The following DENND2B variants were observed in gnomAD, a reference collection of about 807,000 sequenced individuals.
The protein encoded by DENND2B is DENN domain containing 2B.
DENND2B carries 32 observed loss-of-function variants against 116.0 expected under a neutral mutation model. The ratio of observed to expected loss-of-function variants is 0.28; its 90% CI spans 0.21 to 0.37. DENND2B has a LOEUF of 0.37. Ranked by LOEUF, DENND2B falls within the 10% of genes least tolerant of loss-of-function variation. The pLI, the probability that DENND2B is intolerant of heterozygous loss-of-function variation, is 1.00. For synonymous variants in DENND2B, 588 were observed against 583.9 expected (o/e 1.01, Z -0.10); for missense variants, 1,276 against 1,477.7 (o/e 0.86, Z 2.24).
chr11:8,839,651 AT>A (rs2062558198), intron 3 of DENND2B, among the ~76,000 whole-genome samples: 1 of 152,174 alleles, frequency 6.6e-6, no homozygotes, highest in Non-Finnish European at 1.5e-5. Context: ...TCTCACAAGC[AT>A]TACATACAGA....
intron 4 of DENND2B, chr11:8,830,576 T>C (rs1194320524): frequency 6.6e-6 from 1 of 152,204 alleles, no homozygotes; most frequent in African/African-American, 2.4e-5. Flanking sequence ...TGCCTGATGG[T>C]GGAAAGAAAG....
rs752110241 is a variant in DENND2B, at chr11:8,730,624, G to T, written c.666C>A (p.Phe222Leu). Reference protein sequence around the residue: ...SPCSSEKTFDFKGLRRMSRTF... With the variant: ...SPCSSEKTFDLKGLRRMSRTF... ...TCCTGCTCATCCTCCGGAGGCCCTT[G>T]AAATCAAAGGTCTTTTCAGAGCTGC... Residue 222 changes from phenylalanine to leucine, a missense_variant, in exon 3 of 20, where the codon TTC (phenylalanine) becomes TTA (leucine). Phe to Leu is a conservative substitution (Grantham distance 22, BLOSUM62 0). Around this residue, in one of 2 missense-constraint regions of DENND2B, gnomAD observed 856 missense variants for 846.6 expected, o/e 1.01. Coordinates refer to ENST00000313726, the MANE Select transcript of DENND2B (RefSeq NM_213618.2). This position sits in a 1 kb window ranked among gnomAD's most constrained non-coding sequence, Gnocchi z 4.1. The T allele has an allele frequency of 1.2e-6, 2 of 1,613,016 alleles. No homozygotes were observed. The highest frequency in any genetic ancestry group is 8.5e-7 in the Non-Finnish European group (1 of 1,179,986).
At chr11:8,709,892 A>G (rs920287426) in intron 11 of DENND2B, among the ~76,000 whole-genome samples, 2 of 152,156 alleles carry the variant, frequency 1.3e-5, no homozygotes, top group African/African-American at 4.8e-5. Context: ...TGAAAGTCCA[A>G]TCTCCTGTAA....
At chr11:8,748,875 CTT>C (rs1278841210) in intron 2 of DENND2B, among the ~76,000 whole-genome samples, 1 of 151,988 alleles carries the variant, frequency 6.6e-6, no homozygotes, top group Non-Finnish European at 1.5e-5. Flanking sequence ...TGCTTTGAAA[CTT>C]GATGTAAATA....
intron 17 of DENND2B, 48 bp downstream of exon 17, chr11:8,697,477 C>T (rs142249263): frequency 1.4e-6 from 2 of 1,477,876 alleles, no homozygotes; most frequent in African/African-American, 2.8e-5. Context: ...TGACCCAGAG[C>T]AGAGGGAGCC....
At chr11:8,699,179 C>T (rs1449678261) in intron 15 of DENND2B, 34 bp downstream of exon 15, 1 of 1,535,168 alleles carries the variant, frequency 6.5e-7, no homozygotes, top group African/African-American at 1.4e-5. Flanking sequence ...TCCCCCTCCA[C>T]CCTTCCCCCC....
chr11:8,711,007 A>C, intron 10 of DENND2B, 93 bp from the exon 11 acceptor site: 1 of 1,571,928 alleles, frequency 6.4e-7, no homozygotes, highest in South Asian at 1.1e-5. Context: ...CGTGGGGTGA[A>C]GGGCCAGGTT....
At chr11:8,698,850 A>G (rs1422385001) in intron 16 of DENND2B, 83 bp downstream of exon 16, 1 of 1,524,948 alleles carries the variant, frequency 6.6e-7, no homozygotes, top group Non-Finnish European at 9.1e-7. Flanking sequence ...AGAGCTCAAC[A>G]AACAGGTTGT....
intron 1 of DENND2B, among the ~76,000 whole-genome samples, chr11:8,903,889 CAAAAA>C (rs61317026): frequency 1.6e-4 from 12 of 75,354 alleles, no homozygotes; most frequent in African/African-American, 5.3e-4. Flanking sequence ...GACCTTGTCT[CAAAAA>C]AAAAAAAAAA....
rs2047860400 is a variant in DENND2B at position 8,730,142 on chromosome 11, G to C, written c.1148C>G (p.Ala383Gly). 1 of 1,614,114 alleles carries C rather than the reference G, an allele frequency of 6.2e-7. No homozygotes were observed. Among genetic ancestry groups the C allele is most frequent in the Non-Finnish European group, 8.5e-7 (1 of 1,180,050 alleles). The change falls in exon 3 of 20, where the codon GCT (alanine) becomes GGT (glycine). Residue 383 changes from alanine to glycine, a missense_variant. Ala to Gly is a moderately conservative substitution (Grantham distance 60, BLOSUM62 0). This residue lies in a region of DENND2B where 856 missense variants were observed against 846.6 expected (regional missense o/e 1.01). Coordinates refer to ENST00000313726, the MANE Select transcript of DENND2B (RefSeq NM_213618.2). The surrounding 1 kb of genome is among the most constrained non-coding windows in gnomAD (Gnocchi z 4.1). The stretch of plus-strand genomic sequence containing the variant: ...CTTGGGTTTGGGGACAGGGTTCACA[G>C]CGGGATCGAGGGAACTCTTCGATGG... Reference protein sequence around the residue: ...RLPSKSSLDPAVNPVPKPKRT... With the variant: ...RLPSKSSLDPGVNPVPKPKRT...
At chr11:8,803,105 C>T (rs1038538423) in intron 1 of DENND2B, among the ~76,000 whole-genome samples, 7 of 151,978 alleles carry the variant, frequency 4.6e-5, no homozygotes, top group African/African-American at 1.7e-4. Context: ...CAAGTCAGGG[C>T]CAGGTGTGGT....
At chr11:8,725,807 A>C (rs2046994491) in intron 4 of DENND2B, among the ~76,000 whole-genome samples, 1 of 152,252 alleles carries the variant, frequency 6.6e-6, no homozygotes. Context: ...CCTTCCAAAA[A>C]TAAAGGAAAG....
intron 1 of DENND2B, among the ~76,000 whole-genome samples, chr11:8,800,643 C>T (rs919363571): frequency 2.6e-5 from 4 of 152,206 alleles, no homozygotes; most frequent in African/African-American, 9.6e-5. Context: ...CTGGGCTCAG[C>T]AGGCCCATAA....
chr11:8,886,749 C>A (rs190530705), intron 1 of DENND2B, among the ~76,000 whole-genome samples: 1 of 151,874 alleles, frequency 6.6e-6, no homozygotes, highest in East Asian at 1.9e-4. Context: ...GTACTCAATA[C>A]ATGTCTGTTG....
At chr11:8,736,989 C>T (rs1052589878) in intron 2 of DENND2B, among the ~76,000 whole-genome samples, 3 of 152,166 alleles carry the variant, frequency 2.0e-5, no homozygotes, top group East Asian at 1.9e-4. Context: ...TCCAGACAAA[C>T]GATTATTATG....
intron 3 of DENND2B, among the ~76,000 whole-genome samples, chr11:8,728,594 C>CCT (rs2047543957): frequency 2.2e-3 from 1 of 456 alleles, no homozygotes; most frequent in Admixed American, 0.062. Context: ...GATGAACTCT[C>CCT]CCCCCCACTC....
intron 3 of DENND2B, among the ~76,000 whole-genome samples, chr11:8,857,187 C>T (rs967613908): frequency 6.6e-6 from 1 of 152,138 alleles, no homozygotes. Context: ...AGGCAAAATA[C>T]CAGGTCTCCT....
In DENND2B at chr11:8,769,551, C is replaced by T. The variant is rs189316668; in HGVS notation, c.-25-18826G>A. Among the ~76,000 whole-genome samples the T allele has an allele frequency of 9.2e-5, 14 of 152,200 alleles. No individual in the cohort carries two copies. In the South Asian group the frequency reaches 1.9e-3, roughly 20 times the overall value. ...CTGGGATTACAGGTGTGAACCACTG[C>T]GCCTGGTCATAAAGCAACTTCTAAA... On this transcript the variant is annotated intron_variant, in intron 1 of 19. Transcript: ENST00000313726.
rs768311740 is a variant in DENND2B at position 8,730,312 on chromosome 11, C to G, written c.978G>C (p.Pro326=). The change falls in exon 3 of 20, where the codon CCG becomes CCC. Residue 326 remains proline, a synonymous_variant. Transcript: ENST00000313726. This position sits in a 1 kb window ranked among gnomAD's most constrained non-coding sequence, Gnocchi z 4.1. ...CAGCGCTCACACTCGCGCCCCCTGCCGGCTCCTCCAAGGAGCCCAAGGTTC... is the reference window on the plus strand; with the variant it reads ...CAGCGCTCACACTCGCGCCCCCTGCGGGCTCCTCCAAGGAGCCCAAGGTTC... ...KTGTLGSLEE[P]AGGASVSAGS... is the part of the protein sequence containing the mutation. 1 of 1,602,354 alleles carries G rather than the reference C, an allele frequency of 6.2e-7. No individual in the cohort carries two copies. Among genetic ancestry groups the G allele is most frequent in the Non-Finnish European group, 8.5e-7 (1 of 1,177,198 alleles).
Sources: allele counts gnomAD v4.1 joint callset (sites outside exome capture counted in the v4.1 genomes callset), GRCh38; gene constraint gnomAD v4.1.1; regional missense constraint gnomAD v4.1.1; non-coding constraint Gnocchi (gnomAD v3.1); transcripts MANE v1.5; gene names NCBI Gene and HGNC (gene_info 2026-07-23, HGNC 2026-07-21).